Variants in VEPH1 observed in about 807,000 individuals in gnomAD.
VEPH1 encodes ventricular zone-expressed PH domain-containing protein homolog 1.
In VEPH1, 80 loss-of-function variants were observed where a neutral mutation model predicts 85.2. The ratio of observed to expected loss-of-function variants is 0.94; its 90% CI spans 0.78 to 1.13. VEPH1 has a LOEUF of 1.13. Among genes scored for constraint, VEPH1 ranks in the 50% most tolerant of loss-of-function variants. VEPH1 has a pLI of 0.00. For synonymous variants in VEPH1, 297 were observed against 348.0 expected (o/e 0.85, Z 1.63); for missense variants, 955 against 980.5 (o/e 0.97, Z 0.35).
At chr3:157,429,923 C>T (rs982877297) in intron 4 of VEPH1, among the ~76,000 whole-genome samples, 1 of 152,116 alleles carries the variant, frequency 6.6e-6, no homozygotes, top group Non-Finnish European at 1.5e-5. Context: ...CCCTGGGAGC[C>T]TTGAAGGGAA....
intron 4 of VEPH1, among the ~76,000 whole-genome samples, chr3:157,435,586 A>G (rs1733504037): frequency 6.6e-6 from 1 of 152,186 alleles, no homozygotes; most frequent in African/African-American, 2.4e-5. Context: ...CTTTGCTTCC[A>G]CATGGTCATC....
intron 11 of VEPH1, among the ~76,000 whole-genome samples, chr3:157,302,631 A>C (rs1718936621): frequency 6.6e-6 from 1 of 152,334 alleles, no homozygotes; most frequent in South Asian, 2.1e-4. Context: ...GAACTGTAAG[A>C]AACATTTTTG....
intron 9 of VEPH1, among the ~76,000 whole-genome samples, chr3:157,322,986 A>G (rs1006770220): frequency 6.6e-6 from 1 of 152,226 alleles, no homozygotes; most frequent in Non-Finnish European, 1.5e-5. Flanking sequence ...ATTTGGGGAA[A>G]AAGTGCAGAA....
Position 157,438,020 on chromosome 3 carries a change from AGCGC to A in VEPH1, c.530-9536_530-9533del, listed in dbSNP as rs113324549. The A allele has an allele frequency of 5.2e-4, 438 of 836,224 alleles. 8 individuals are homozygous for A. The highest frequency in any genetic ancestry group is 4.2e-3 in the African/African-American group (205 of 48,796). 51.8% of individuals were successfully genotyped at this position (836,224 alleles called of 1,614,324 possible). The stretch of plus-strand genomic sequence containing the variant: ...CCTTCTAGGGGAAGCTTTCATGGGA[AGCGC>A]GCGCGCGCGCGCGCACACACACACA... On this transcript the variant is annotated intron_variant, in intron 4 of 13. Coordinates refer to ENST00000362010, the MANE Select transcript of VEPH1 (RefSeq NM_001167912.2).
At chr3:157,451,314 A>C (rs1351848047) in intron 4 of VEPH1, among the ~76,000 whole-genome samples, 10 of 152,232 alleles carry the variant, frequency 6.6e-5, no homozygotes, top group Non-Finnish European at 1.5e-4. Context: ...ACTTTTAAGT[A>C]TGAATCAAGA....
chr3:157,303,147 A>T (rs921819942), intron 11 of VEPH1, among the ~76,000 whole-genome samples: 1 of 152,110 alleles, frequency 6.6e-6, no homozygotes, highest in Admixed American at 6.6e-5. Flanking sequence ...CCTTTCTCTT[A>T]TTCTTCCTTT....
At chr3:157,403,819 G>C (rs540950381) in intron 6 of VEPH1, among the ~76,000 whole-genome samples, 4 of 152,146 alleles carry the variant, frequency 2.6e-5, no homozygotes, top group Admixed American at 6.6e-5. Context: ...GCATCAAGCA[G>C]GTAGTATATA....
rs908600723 is a variant in VEPH1 at position 157,429,931 on chromosome 3, G to A, written c.530-1443C>T. ...ACAGAGGCCCTGGGAGCCTTGAAGG[G>A]AAAAACCCCAGATTAGTCATTTTTC... On this transcript the variant is annotated intron_variant, in intron 4 of 13. Coordinates refer to ENST00000362010, the MANE Select transcript of VEPH1 (RefSeq NM_001167912.2). 1.1e-4 allele frequency among the ~76,000 whole-genome samples: 16 copies of A among 152,136 alleles called. No homozygotes were observed. The South Asian group carries it at 1.2e-3, about 12-fold the overall frequency.
chr3:157,386,250 C>CAAAAAAAAAA (rs71302265), intron 6 of VEPH1, among the ~76,000 whole-genome samples: 8 of 38,484 alleles, frequency 2.1e-4, no homozygotes, highest in African/African-American at 8.9e-4. Flanking sequence ...AATGGTTCCA[C>CAAAAAAAAAA]AAAAAAAAAA....
At chr3:157,334,729 A>T (rs1722802854) in intron 9 of VEPH1, among the ~76,000 whole-genome samples, 1 of 152,222 alleles carries the variant, frequency 6.6e-6, no homozygotes, top group African/African-American at 2.4e-5. Context: ...AAGTACTGGG[A>T]ATCACGGGGG....
chr3:157,449,912 A>G (rs998156820), intron 4 of VEPH1, among the ~76,000 whole-genome samples: 10 of 151,500 alleles, frequency 6.6e-5, no homozygotes, highest in Non-Finnish European at 1.5e-4. Flanking sequence ...ACTTTAAATA[A>G]TATTTTTAAT....
At chr3:157,343,926 C>A (rs1723900376) in intron 9 of VEPH1, among the ~76,000 whole-genome samples, 1 of 152,246 alleles carries the variant, frequency 6.6e-6, no homozygotes, top group South Asian at 2.1e-4. Flanking sequence ...ATGACAAAAA[C>A]CACATGATTA....
chr3:157,362,992 A>G (rs1017297600), intron 9 of VEPH1, among the ~76,000 whole-genome samples: 6 of 152,174 alleles, frequency 3.9e-5, no homozygotes, highest in African/African-American at 1.4e-4. Context: ...ACTTTCTTGC[A>G]TGATTATGTG....
chr3:157,295,096 T>C (rs1280198485), intron 11 of VEPH1, among the ~76,000 whole-genome samples: 3 of 152,206 alleles, frequency 2.0e-5, no homozygotes, highest in African/African-American at 7.2e-5. Context: ...CAAGGTTCCT[T>C]GCCTACAGTA....
chr3:157,277,278 A>T (rs549607107), intron 12 of VEPH1, among the ~76,000 whole-genome samples: 1 of 152,300 alleles, frequency 6.6e-6, no homozygotes, highest in South Asian at 2.1e-4. Context: ...CATTAATAAG[A>T]TCGCGTGGAT....
At chr3:157,424,985 C>A (rs551997121) in intron 5 of VEPH1, among the ~76,000 whole-genome samples, 48 of 152,308 alleles carry the variant, frequency 3.2e-4, no homozygotes, top group African/African-American at 1.0e-3. Flanking sequence ...GTCTTCATGG[C>A]AGCCCCTCCC....
At chr3:157,404,824 G>T (rs983292614) in intron 6 of VEPH1, among the ~76,000 whole-genome samples, 2 of 152,162 alleles carry the variant, frequency 1.3e-5, no homozygotes, top group African/African-American at 4.8e-5. Context: ...CAGTCTGAGG[G>T]CTACAGGCAG....
rs558430383 is a variant in VEPH1 at position 157,470,683 on chromosome 3, T to C, written c.139-154A>G. Among the ~76,000 whole-genome samples the C allele has an allele frequency of 7.8e-4, 119 of 152,308 alleles. 1 individual carries two copies. Among genetic ancestry groups the C allele is most frequent in the African/African-American group, 2.8e-3 (117 of 41,576 alleles). On this transcript the variant is annotated intron_variant, in intron 2 of 13. Transcript: ENST00000362010. The stretch of plus-strand genomic sequence containing the variant: ...CCTAATACAATAAAGGCTTCCTTCC[T>C]TGGAGATCCTAATCTTGTGGAAGAG...
At chr3:157,396,897 T>C (rs1730435906) in intron 6 of VEPH1, among the ~76,000 whole-genome samples, 1 of 152,226 alleles carries the variant, frequency 6.6e-6, no homozygotes, top group Admixed American at 6.5e-5. Flanking sequence ...AGATTATCTG[T>C]TCACTCTGAT....
Sources: allele counts gnomAD v4.1 joint callset (sites outside exome capture counted in the v4.1 genomes callset), GRCh38; gene constraint gnomAD v4.1.1; transcripts MANE v1.5; gene names NCBI Gene and HGNC (gene_info 2026-07-23, HGNC 2026-07-21).